The following ACTN1 variants were observed in gnomAD, a reference collection of about 807,000 sequenced individuals.
The protein encoded by ACTN1 is actinin alpha 1.
A neutral mutation model predicts 119.6 loss-of-function variants in ACTN1; 30 were observed. The observed-to-expected ratio is 0.25, with a 90% CI of 0.19 to 0.34. The LOEUF (loss-of-function observed/expected upper bound fraction) is 0.34. Among genes scored for constraint, ACTN1 ranks in the 10% least tolerant of loss-of-function variants. The pLI is 1.00. For synonymous variants in ACTN1, 429 were observed against 472.6 expected, an observed-to-expected ratio of 0.91 and a Z score of 1.20; for missense variants, 764 against 1,223.4, an observed-to-expected ratio of 0.62 and a Z score of 5.60.
At chr14:68,920,844 G>C (rs1361561835) in intron 3 of ACTN1, among the ~76,000 whole-genome samples, 162 bp downstream of exon 3, 2 of 152,206 alleles carry the variant, frequency 1.3e-5, no homozygotes, top group African/African-American at 2.4e-5. Flanking sequence ...AAGCGCTGTT[G>C]CAATACAAAG....
intron 1 of ACTN1, among the ~76,000 whole-genome samples, chr14:68,968,856 C>T (rs925224259): frequency 6.6e-6 from 1 of 152,228 alleles, no homozygotes; most frequent in African/African-American, 2.4e-5. Flanking sequence ...AGCACAGTAC[C>T]AGGGCTGGCT....
intron 2 of ACTN1, among the ~76,000 whole-genome samples, chr14:68,921,781 C>T (rs1165139264): frequency 1.3e-5 from 2 of 152,146 alleles, no homozygotes; most frequent in African/African-American, 4.8e-5. Context: ...CCTATAGCAG[C>T]CCATCCCCAT....
At chr14:68,939,885 T>C (rs1453355404) in intron 1 of ACTN1, among the ~76,000 whole-genome samples, 2 of 152,218 alleles carry the variant, frequency 1.3e-5, no homozygotes, top group Non-Finnish European at 2.9e-5. Flanking sequence ...TTAACCCATT[T>C]GGCCCATTGG....
intron 1 of ACTN1, among the ~76,000 whole-genome samples, chr14:68,941,462 G>A (rs748714834): frequency 1.6e-4 from 25 of 152,170 alleles, no homozygotes; most frequent in Non-Finnish European, 3.1e-4. Context: ...GGCTAAGAAC[G>A]GATTTGGGCA....
intron 6 of ACTN1, among the ~76,000 whole-genome samples, chr14:68,907,259 TAA>T (rs775481921): frequency 9.6e-5 from 7 of 72,992 alleles, no homozygotes; most frequent in Admixed American, 1.6e-4. Context: ...AAGACTCTCT[TAA>T]AAAAAAAAAA....
chr14:68,936,328 T>C (rs2035507852), intron 1 of ACTN1, among the ~76,000 whole-genome samples: 1 of 152,048 alleles, frequency 6.6e-6, no homozygotes, highest in South Asian at 2.1e-4. Flanking sequence ...GACGTTAGTG[T>C]CCCGGACAGC....
intron 7 of ACTN1, among the ~76,000 whole-genome samples, chr14:68,903,675 G>A (rs895290760): frequency 6.6e-6 from 1 of 152,154 alleles, no homozygotes; most frequent in Non-Finnish European, 1.5e-5. Context: ...CACAGGGAAG[G>A]GGCTGTGGTG....
chr14:68,882,520 G>A lies in ACTN1; in HGVS notation c.1891C>T (p.Leu631=), dbSNP rs1469918734. Residue 631 remains leucine, a synonymous_variant, in exon 16 of 22, where the codon CTA becomes TTA. Transcript: ENST00000394419. This position sits in a 1 kb window ranked among gnomAD's most constrained non-coding sequence, Gnocchi z 4.5. ...EHARQQHNER[L]RKQFGAQANV... ...GCCTGGGCTCCAAACTGCTTGCGTA[G>A]CCTCTCATTGTGCTGCTGTCGGGCA... 4 of 1,614,082 alleles carry A rather than the reference G, an allele frequency of 2.5e-6. No individual in the cohort carries two copies. In the African/African-American group the frequency reaches 4.0e-5, roughly 16 times the overall value.
At chr14:68,962,056 G>A (rs1186284345) in intron 1 of ACTN1, among the ~76,000 whole-genome samples, 1 of 152,124 alleles carries the variant, frequency 6.6e-6, no homozygotes. Context: ...CTGAGTGGCC[G>A]GCAGAGAGAA....
At chr14:68,952,454 C>T (rs1045345975) in intron 1 of ACTN1, among the ~76,000 whole-genome samples, 5 of 152,236 alleles carry the variant, frequency 3.3e-5, no homozygotes, top group Admixed American at 1.3e-4. Flanking sequence ...CTGGCTTTAA[C>T]TGCAGAGATA....
chr14:68,969,913 G>T (rs145441886), intron 1 of ACTN1, among the ~76,000 whole-genome samples: 1 of 152,116 alleles, frequency 6.6e-6, no homozygotes, highest in African/African-American at 2.4e-5. Flanking sequence ...TTAGGGGACC[G>T]GCCTGAAGGA....
chr14:68,904,622 G>A (rs765325876), intron 7 of ACTN1, 33 bp downstream of exon 7: 2 of 1,601,158 alleles, frequency 1.2e-6, no homozygotes, highest in African/African-American at 1.3e-5. Flanking sequence ...GGTGGGCGAT[G>A]GGCAAGAGAC....
Position 68,882,382 on chromosome 14 carries a change from G to T in ACTN1, c.1953+76C>A. On this transcript the variant is annotated intron_variant, in intron 16 of 21. Transcript: ENST00000394419. The surrounding 1 kb of genome is among the most constrained non-coding windows in gnomAD (Gnocchi z 4.5). ...TCCATGGGTCCCACCCAGGGAGACA[G>T]GCAGCCTGGCTGGCTAGGATAGTGT... 6.4e-7 allele frequency: 1 copy of T among 1,569,998 alleles called. No individual in the cohort carries two copies. Among genetic ancestry groups the T allele is most frequent in the Admixed American group, 1.7e-5 (1 of 57,712 alleles).
chr14:68,902,961 GT>G (rs2033436484), intron 7 of ACTN1, among the ~76,000 whole-genome samples: 1 of 152,118 alleles, frequency 6.6e-6, no homozygotes, highest in Non-Finnish European at 1.5e-5. Flanking sequence ...AATGTCATAG[GT>G]AATTAGGGAA....
chr14:68,883,100 G>A (rs370531513), intron 14 of ACTN1, 45 bp from the exon 15 acceptor site: 260 of 1,591,274 alleles, frequency 1.6e-4, no homozygotes, highest in Admixed American at 7.7e-4. Context: ...CAAAGGGAGC[G>A]CTAGAAGTGA....
intron 1 of ACTN1, among the ~76,000 whole-genome samples, chr14:68,946,954 A>C (rs10146893): frequency 0.067 from 10,211 of 152,264 alleles, 469 homozygotes; most frequent in African/African-American, 0.12. Context: ...CAGCCCCTTC[A>C]AGCTTCAGTC....
At chr14:68,957,300 T>C (rs1037505837) in intron 1 of ACTN1, among the ~76,000 whole-genome samples, 2 of 152,026 alleles carry the variant, frequency 1.3e-5, no homozygotes, top group African/African-American at 2.4e-5. Context: ...CATCCCCTCT[T>C]CCCCCAAGAG....
At chr14:68,970,127 A>G (rs2036834868) in intron 1 of ACTN1, among the ~76,000 whole-genome samples, 1 of 152,156 alleles carries the variant, frequency 6.6e-6, no homozygotes, top group African/African-American at 2.4e-5. Flanking sequence ...CATGCTTTCA[A>G]CAGCCCCACG....
At position 68,967,413 on chromosome 14, in the gene ACTN1, T is replaced by C. The variant is rs572390933; in HGVS notation, c.105+11539A>G. ...GCTTGATTCGTGCTTACCTGCTCTT[T>C]GGGGTGCTGGGATGAGCTCATCAGG... On this transcript the variant is annotated intron_variant, in intron 1 of 21. Transcript: ENST00000394419. 2.0e-5 allele frequency among the ~76,000 whole-genome samples: 3 copies of C among 152,332 alleles called. No homozygotes were observed. The East Asian group carries it at 5.8e-4, about 29-fold the overall frequency.
Sources: allele counts gnomAD v4.1 joint callset (sites outside exome capture counted in the v4.1 genomes callset), GRCh38; gene constraint gnomAD v4.1.1; non-coding constraint Gnocchi (gnomAD v3.1); transcripts MANE v1.5; gene names NCBI Gene and HGNC (gene_info 2026-07-23, HGNC 2026-07-21).